The following SOX5 variants were observed in gnomAD, a reference collection of about 807,000 sequenced individuals.
SOX5 encodes the protein SRY-box transcription factor 5.
In SOX5, 9 loss-of-function variants were observed where a neutral mutation model predicts 92.0. That is an observed-to-expected ratio of 0.10 (90% CI 0.06 to 0.17). The LOEUF is 0.17. Among genes scored for constraint, SOX5 ranks in the 10% least tolerant of loss-of-function variants. The pLI is 1.00. For synonymous variants in SOX5, 344 were observed against 336.3 expected (o/e 1.02, Z -0.25); for missense variants, 642 against 944.5 (o/e 0.68, Z 4.20).
At chr12:24,433,486 G>A (rs1008138340) in intron 1 of SOX5, among the ~76,000 whole-genome samples, 47 of 152,236 alleles carry the variant, frequency 3.1e-4, no homozygotes, top group Admixed American at 1.3e-4. Flanking sequence ...CTACAGAGTG[G>A]TAAGGATAGA....
At chr12:23,648,460 T>C (rs1306945847) in intron 7 of SOX5, among the ~76,000 whole-genome samples, 1 of 152,226 alleles carries the variant, frequency 6.6e-6, no homozygotes, top group Non-Finnish European at 1.5e-5. Context: ...TGTGACTATA[T>C]TTAAAAATAG....
chr12:24,061,154 C>T (rs1939614724), intron 4 of SOX5, among the ~76,000 whole-genome samples: 2 of 151,586 alleles, frequency 1.3e-5, no homozygotes, highest in South Asian at 2.1e-4. Context: ...AGTTTCCACA[C>T]AAAAATTGGG....
intron 2 of SOX5, among the ~76,000 whole-genome samples, chr12:24,331,681 C>T (rs1197100049): frequency 6.6e-6 from 1 of 151,700 alleles, no homozygotes; most frequent in Non-Finnish European, 1.5e-5. Context: ...AACCCCACCT[C>T]TACTAAAAAT....
At chr12:24,463,628 G>A (rs1943891067) in intron 1 of SOX5, among the ~76,000 whole-genome samples, 2 of 152,176 alleles carry the variant, frequency 1.3e-5, no homozygotes, top group South Asian at 4.1e-4. Context: ...GTGTAAGGAA[G>A]CAGATGCGAT....
At chr12:24,442,759 G>A (rs909533577) in intron 1 of SOX5, among the ~76,000 whole-genome samples, 1 of 151,894 alleles carries the variant, frequency 6.6e-6, no homozygotes. Context: ...CAAGAGATAG[G>A]GCAGTTCATA....
intron 1 of SOX5, among the ~76,000 whole-genome samples, chr12:23,899,200 C>A (rs1375576972): frequency 6.6e-6 from 1 of 151,852 alleles, no homozygotes; most frequent in Non-Finnish European, 1.5e-5. Flanking sequence ...ACATGAGTTC[C>A]AGATCAGCCT....
In SOX5 at chr12:23,896,028, G is replaced by T; in HGVS notation, c.39-4C>A. ...GGCTGGTCGCTTGGAAGACATCCTGGAAGGAACAAAAGAGGAGAAAATAAT... is the reference window on the plus strand; with the variant it reads ...GGCTGGTCGCTTGGAAGACATCCTGTAAGGAACAAAAGAGGAGAAAATAAT... On this transcript the variant is annotated splice_region_variant and splice_polypyrimidine_tract_variant and intron_variant, in intron 1 of 14. Coordinates refer to ENST00000451604, the MANE Select transcript of SOX5 (RefSeq NM_006940.6). 1 of 1,596,010 alleles carries T rather than the reference G, an allele frequency of 6.3e-7. No homozygotes were observed. The highest frequency in any genetic ancestry group is 8.6e-7 in the Non-Finnish European group (1 of 1,163,804).
At chr12:24,018,158 T>C (rs551631971) in intron 4 of SOX5, among the ~76,000 whole-genome samples, 1 of 152,190 alleles carries the variant, frequency 6.6e-6, no homozygotes, top group Non-Finnish European at 1.5e-5. Context: ...ATTCTTCTTT[T>C]CAGCCCAGCT....
intron 1 of SOX5, among the ~76,000 whole-genome samples, chr12:24,539,582 A>C (rs908980855): frequency 6.6e-6 from 1 of 152,140 alleles, no homozygotes; most frequent in African/African-American, 2.4e-5. Context: ...AGACATTACA[A>C]AGATGGTACA....
intron 2 of SOX5, among the ~76,000 whole-genome samples, chr12:24,304,078 T>C (rs759341749): frequency 9.2e-5 from 14 of 152,142 alleles, no homozygotes; most frequent in Non-Finnish European, 1.9e-4. Context: ...CGTAACATAA[T>C]GAATATCTTA....
At chr12:24,095,460 T>G (rs1411860750) in intron 4 of SOX5, among the ~76,000 whole-genome samples, 1 of 148,340 alleles carries the variant, frequency 6.7e-6, no homozygotes, top group Admixed American at 6.8e-5. Flanking sequence ...TATTTATTTA[T>G]TTAATTTTAT....
intron 4 of SOX5, among the ~76,000 whole-genome samples, chr12:24,171,066 G>T (rs1954027513): frequency 6.6e-6 from 1 of 151,628 alleles, no homozygotes; most frequent in African/African-American, 2.4e-5. Flanking sequence ...CTGTAGCAAT[G>T]GGGCAAAATG....
intron 3 of SOX5, among the ~76,000 whole-genome samples, chr12:24,247,251 A>G (rs11331892): frequency 0.036 from 14 of 390 alleles, no homozygotes; most frequent in Non-Finnish European, 0.067. Flanking sequence ...TCGACCAATG[A>G]AAAAAAAAAT....
intron 4 of SOX5, among the ~76,000 whole-genome samples, chr12:24,072,092 T>A (rs1299101036): frequency 6.6e-6 from 1 of 152,196 alleles, no homozygotes; most frequent in Non-Finnish European, 1.5e-5. Flanking sequence ...ATTTCTATGG[T>A]TCTGAATCAA....
chr12:23,599,977 CAA>C (rs1015194758), intron 9 of SOX5, among the ~76,000 whole-genome samples: 1 of 152,038 alleles, frequency 6.6e-6, no homozygotes, highest in African/African-American at 2.4e-5. Flanking sequence ...ATATGTGGTG[CAA>C]AAATGAAAGT....
chr12:24,272,446 G>A (rs983921013), intron 3 of SOX5, among the ~76,000 whole-genome samples: 6 of 152,050 alleles, frequency 3.9e-5, no homozygotes, highest in African/African-American at 1.4e-4. Flanking sequence ...TCCTTGTCTT[G>A]TTCTTGAACA....
intron 8 of SOX5, among the ~76,000 whole-genome samples, chr12:23,629,890 T>C (rs751860117): frequency 9.9e-5 from 15 of 151,990 alleles, no homozygotes; most frequent in Non-Finnish European, 1.3e-4. Flanking sequence ...TCCAGGATAC[T>C]ATGGGTCTAT....
intron 2 of SOX5, among the ~76,000 whole-genome samples, chr12:24,355,719 G>A (rs1288670646): frequency 2.6e-5 from 4 of 152,134 alleles, no homozygotes; most frequent in African/African-American, 9.7e-5. Flanking sequence ...TTCATCACTG[G>A]TATGAGTTCA....
intron 1 of SOX5, among the ~76,000 whole-genome samples, chr12:24,551,195 C>G (rs935849034): frequency 7.2e-5 from 11 of 152,170 alleles, no homozygotes; most frequent in African/African-American, 2.7e-4. Flanking sequence ...TCCCCCCAGC[C>G]CCAAACCAAT....
Sources: allele counts gnomAD v4.1 joint callset (sites outside exome capture counted in the v4.1 genomes callset), GRCh38; gene constraint gnomAD v4.1.1; transcripts MANE v1.5; gene names NCBI Gene and HGNC (gene_info 2026-07-23, HGNC 2026-07-21).